Variants in SORCS2 observed in about 807,000 individuals in gnomAD.
SORCS2 encodes the protein sortilin related VPS10 domain containing receptor 2, also known as VPS10 domain-containing receptor SorCS2.
SORCS2 carries 100 observed loss-of-function variants against 141.6 expected under a neutral mutation model. The ratio of observed to expected loss-of-function variants is 0.71; its 90% CI spans 0.60 to 0.83. The LOEUF (loss-of-function observed/expected upper bound fraction) is 0.83, where lower values mean the gene tolerates loss of function less well. Ranked by LOEUF, SORCS2 falls within the 40% of genes least tolerant of loss-of-function variation. SORCS2 has a pLI of 0.00. For missense variants in SORCS2, 1,646 were observed against 1,560.2 expected (o/e 1.05, Z -0.93); for synonymous variants, 789 against 676.9 (o/e 1.17, Z -2.57).
chr4:7,685,652 C>T (rs1723826439), intron 10 of SORCS2, among the ~76,000 whole-genome samples: 1 of 151,482 alleles, frequency 6.6e-6, no homozygotes, highest in South Asian at 2.1e-4. Context: ...GCCTGGGTGA[C>T]AGAGCGAGAT....
chr4:7,632,471 G>A (rs557708137), intron 3 of SORCS2, among the ~76,000 whole-genome samples: 1 of 152,254 alleles, frequency 6.6e-6, no homozygotes, highest in East Asian at 1.9e-4. Context: ...ATCCTTCCCT[G>A]TCAGCACCTT....
chr4:7,701,978 C>T (rs371098116), intron 12 of SORCS2, among the ~76,000 whole-genome samples: 57 of 151,286 alleles, frequency 3.8e-4, no homozygotes, highest in African/African-American at 1.2e-3. Context: ...GAGCCTCCTT[C>T]CTTATCCCGC....
intron 3 of SORCS2, among the ~76,000 whole-genome samples, chr4:7,543,337 A>C (rs1370144639): frequency 6.6e-6 from 1 of 152,056 alleles, no homozygotes; most frequent in Non-Finnish European, 1.5e-5. Context: ...TCATTCATCT[A>C]TCCACTTATC....
In SORCS2 at chr4:7,664,429, C is replaced by T. The variant is rs1722375999; in HGVS notation, c.1029C>T (p.Asp343=). The T allele has an allele frequency of 1.2e-6, 2 of 1,613,960 alleles. No individual in the cohort carries two copies. Among genetic ancestry groups the T allele is most frequent in the Non-Finnish European group, 1.7e-6 (2 of 1,179,862 alleles). ...MLTAPFAGPI[D]HGSLTVQDDY... is the part of the protein sequence containing the mutation. ...CAGCCCCATTCGCAGGCCCCATTGA[C>T]CACGGGTCTCTGACCGTGCAGGACG... Residue 343 remains aspartate, a synonymous_variant, in exon 7 of 27, where the codon GAC becomes GAT. Transcript: ENST00000507866. This position sits in a 1 kb window ranked among gnomAD's most constrained non-coding sequence, Gnocchi z 4.7.
chr4:7,678,222 G>A (rs749018397), intron 9 of SORCS2, among the ~76,000 whole-genome samples: 8 of 151,544 alleles, frequency 5.3e-5, no homozygotes, highest in Non-Finnish European at 8.8e-5. Flanking sequence ...TCCTGGAGGC[G>A]GCTGAGCAGG....
chr4:7,259,281 T>C (rs1714148084), intron 1 of SORCS2, among the ~76,000 whole-genome samples: 1 of 152,122 alleles, frequency 6.6e-6, no homozygotes, highest in South Asian at 2.1e-4. Context: ...ATCATCCTCA[T>C]TTTACAGACG....
intron 2 of SORCS2, among the ~76,000 whole-genome samples, chr4:7,407,635 C>T (rs115303867): frequency 0.049 from 7,455 of 152,086 alleles, 284 homozygotes; most frequent in East Asian, 0.14. Flanking sequence ...TTCATTCAGC[C>T]ACTCTATACC....
At position 7,634,037 on chromosome 4, in the gene SORCS2, C is replaced by T. The variant is rs1425891875; in HGVS notation, c.649-4291C>T. Among the ~76,000 whole-genome samples, 2 of 121,230 alleles carry T rather than the reference C, an allele frequency of 1.6e-5. 1 individual carries two copies. The highest frequency in any genetic ancestry group is 5.2e-5 in the African/African-American group (2 of 38,794). 79.5% of individuals were successfully genotyped at this position (121,230 alleles called of 152,430 possible). ...AGAAGTCCTGAGGACTTCCTTCCTT[C>T]TTCCTGGTTATCCAGGGAATCCACG... On this transcript the variant is annotated intron_variant, in intron 3 of 26. Transcript: ENST00000507866.
chr4:7,357,484 C>A (rs905035565), intron 1 of SORCS2, among the ~76,000 whole-genome samples: 1 of 152,198 alleles, frequency 6.6e-6, no homozygotes, highest in Non-Finnish European at 1.5e-5. Context: ...GAGATGGAGG[C>A]GTCTGCTAAT....
chr4:7,252,231 G>A (rs571858332), intron 1 of SORCS2, among the ~76,000 whole-genome samples: 3 of 152,332 alleles, frequency 2.0e-5, no homozygotes, highest in South Asian at 4.1e-4. Context: ...AGAGTGGGAG[G>A]GCAGGGTCTT....
At chr4:7,347,979 C>T (rs1443752100) in intron 1 of SORCS2, among the ~76,000 whole-genome samples, 1 of 152,186 alleles carries the variant, frequency 6.6e-6, no homozygotes, top group Non-Finnish European at 1.5e-5. Flanking sequence ...GACAACTTTT[C>T]GTGAATCACA....
intron 1 of SORCS2, among the ~76,000 whole-genome samples, chr4:7,269,176 C>T (rs988267891): frequency 6.6e-6 from 1 of 152,228 alleles, no homozygotes; most frequent in Non-Finnish European, 1.5e-5. Context: ...GAGGAGCTTA[C>T]ATTCCAGTGC....
intron 1 of SORCS2, among the ~76,000 whole-genome samples, chr4:7,278,792 A>C (rs945649042): frequency 6.6e-6 from 1 of 152,222 alleles, no homozygotes; most frequent in South Asian, 2.1e-4. Flanking sequence ...AAAATGGATC[A>C]GTTGGGATGC....
At chr4:7,372,728 C>A (rs1275195468) in intron 1 of SORCS2, among the ~76,000 whole-genome samples, 1 of 152,138 alleles carries the variant, frequency 6.6e-6, no homozygotes, top group Non-Finnish European at 1.5e-5. Flanking sequence ...TCCCCTGTGC[C>A]CTTTGTGGTC....
intron 2 of SORCS2, among the ~76,000 whole-genome samples, chr4:7,413,640 G>C (rs968518526): frequency 6.6e-6 from 1 of 151,986 alleles, no homozygotes; most frequent in Admixed American, 6.6e-5. Flanking sequence ...TGCCTGCCTC[G>C]GCCTCCCAAA....
intron 2 of SORCS2, among the ~76,000 whole-genome samples, chr4:7,441,113 C>G (rs1233870646): frequency 1.3e-5 from 2 of 152,132 alleles, no homozygotes; most frequent in African/African-American, 4.8e-5. Context: ...AAGAGGGGGA[C>G]TCGGCAAGGG....
intron 2 of SORCS2, among the ~76,000 whole-genome samples, chr4:7,441,479 C>G (rs1015835773): frequency 6.6e-6 from 1 of 151,930 alleles, no homozygotes; most frequent in Non-Finnish European, 1.5e-5. Flanking sequence ...GTGTGGGTGC[C>G]GAGGGCTGGG....
intron 2 of SORCS2, among the ~76,000 whole-genome samples, chr4:7,416,647 C>A (rs2109172780): frequency 6.6e-6 from 1 of 152,106 alleles, no homozygotes; most frequent in East Asian, 1.9e-4. Flanking sequence ...CACAAGCACA[C>A]ACATGCATGC....
chr4:7,728,138 C>CT lies in SORCS2; in HGVS notation c.2870-211dup, dbSNP rs796304296. Among the ~76,000 whole-genome samples the CT allele has an allele frequency of 6.4e-4, 98 of 152,346 alleles. 1 individual carries two copies. Among genetic ancestry groups the CT allele is most frequent in the African/African-American group, 2.3e-3 (95 of 41,584 alleles). ...TCCTGCCTGGGACAGACCACCACTGCTGGCATCCAGGGAAGGAGCTGGTTT... is the reference window on the plus strand; with the variant it reads ...TCCTGCCTGGGACAGACCACCACTGCTTGGCATCCAGGGAAGGAGCTGGTTT... On this transcript the variant is annotated intron_variant, in intron 21 of 26. Coordinates refer to ENST00000507866, the MANE Select transcript of SORCS2 (RefSeq NM_020777.3).
Sources: allele counts gnomAD v4.1 joint callset (sites outside exome capture counted in the v4.1 genomes callset), GRCh38; gene constraint gnomAD v4.1.1; non-coding constraint Gnocchi (gnomAD v3.1); transcripts MANE v1.5; gene names NCBI Gene and HGNC (gene_info 2026-07-23, HGNC 2026-07-21).